Variants in DENND5B observed in about 807,000 individuals in gnomAD.
The protein encoded by DENND5B is DENN domain containing 5B, also known as DENN domain-containing protein 5B.
In DENND5B, 34 loss-of-function variants were observed where a neutral mutation model predicts 140.6. The ratio of observed to expected loss-of-function variants is 0.24; its 90% CI spans 0.18 to 0.32. DENND5B has a LOEUF of 0.32. Among genes scored for constraint, DENND5B ranks in the 10% least tolerant of loss-of-function variants. The pLI is 1.00. For synonymous variants in DENND5B, 551 were observed against 562.1 expected, an observed-to-expected ratio of 0.98 and a Z score of 0.28; for missense variants, 1,142 against 1,560.2, an observed-to-expected ratio of 0.73 and a Z score of 4.52.
chr12:31,448,504 G>A (rs1226154071), intron 5 of DENND5B, among the ~76,000 whole-genome samples: 14 of 152,198 alleles, frequency 9.2e-5, no homozygotes. Flanking sequence ...AAGGTAGTGA[G>A]ATGATTAACT....
intron 17 of DENND5B, among the ~76,000 whole-genome samples, chr12:31,395,296 A>G (rs766062523): frequency 2.0e-5 from 3 of 152,174 alleles, no homozygotes; most frequent in Admixed American, 6.5e-5. Context: ...ATTTGTTGCT[A>G]TAAGTGCTTT....
intron 16 of DENND5B, among the ~76,000 whole-genome samples, chr12:31,399,275 C>CTTT (rs530514939): frequency 1.5e-4 from 9 of 60,424 alleles, no homozygotes; most frequent in Non-Finnish European, 2.1e-4. Flanking sequence ...TCAAACAATT[C>CTTT]TTTTTTTTTT....
intron 3 of DENND5B, among the ~76,000 whole-genome samples, chr12:31,473,382 G>A (rs1291738295): frequency 6.6e-6 from 1 of 152,190 alleles, no homozygotes; most frequent in Non-Finnish European, 1.5e-5. Context: ...TGGATCTTAG[G>A]TTTGACTGTT....
chr12:31,392,134 G>A (rs531656688), intron 19 of DENND5B, 133 bp downstream of exon 19: 132 of 870,736 alleles, frequency 1.5e-4, no homozygotes, highest in African/African-American at 6.6e-4. Flanking sequence ...GTAAGATTCC[G>A]TCTCAAAAAA....
intron 1 of DENND5B, among the ~76,000 whole-genome samples, chr12:31,518,447 T>C (rs1294904475): frequency 1.3e-5 from 2 of 152,160 alleles, no homozygotes; most frequent in Non-Finnish European, 2.9e-5. Context: ...CTCTATTAAA[T>C]GTCCACCTCT....
At chr12:31,476,712 T>G (rs1945829567) in intron 3 of DENND5B, among the ~76,000 whole-genome samples, 1 of 152,092 alleles carries the variant, frequency 6.6e-6, no homozygotes, top group African/African-American at 2.4e-5. Context: ...CTGAGGAGTT[T>G]GAGGCTGCAG....
intron 1 of DENND5B, among the ~76,000 whole-genome samples, chr12:31,577,038 G>A (rs763901299): frequency 4.6e-5 from 7 of 152,192 alleles, no homozygotes; most frequent in Non-Finnish European, 1.0e-4. Context: ...GTGGCATCAT[G>A]AGGACCAAGG....
intron 14 of DENND5B, among the ~76,000 whole-genome samples, chr12:31,408,280 C>G (rs996588304): frequency 1.3e-5 from 2 of 150,130 alleles, no homozygotes; most frequent in African/African-American, 4.9e-5. Context: ...GCCTAGGTGA[C>G]AGAGCCAGAC....
chr12:31,452,044 G>A lies in DENND5B; in HGVS notation c.1525C>T (p.Arg509Cys), dbSNP rs183349020. Residue 509 changes from arginine to cysteine, a missense_variant, in exon 5 of 21, where the codon CGT (arginine) becomes TGT (cysteine). Arg to Cys is a radical substitution (Grantham distance 180). Coordinates refer to ENST00000389082, the MANE Select transcript of DENND5B (RefSeq NM_144973.4). ...TAATCTGCAAACATCTGTGTAAAAC[G>A]GTTAGCAAAGACCTCTCGGAGCTGT... Reference protein sequence around the residue: ...NVQLREVFANRFTQMFADYEA... With the variant: ...NVQLREVFANCFTQMFADYEA... The A allele has an allele frequency of 3.4e-4, 553 of 1,613,854 alleles. 1 individual carries two copies. The highest frequency in any genetic ancestry group is 4.3e-4 in the Non-Finnish European group (508 of 1,179,882).
At chr12:31,562,574 A>G (rs1438820073) in intron 1 of DENND5B, among the ~76,000 whole-genome samples, 1 of 152,122 alleles carries the variant, frequency 6.6e-6, no homozygotes, top group Non-Finnish European at 1.5e-5. Context: ...AGATCGCACC[A>G]TTGCGCGCCA....
At chr12:31,418,720 T>C (rs925318785) in intron 11 of DENND5B, among the ~76,000 whole-genome samples, 2 of 151,330 alleles carry the variant, frequency 1.3e-5, no homozygotes, top group African/African-American at 4.9e-5. Context: ...AAAAGGGGAG[T>C]TGAAACCATA....
intron 7 of DENND5B, among the ~76,000 whole-genome samples, chr12:31,434,565 T>A (rs1189887046): frequency 6.6e-6 from 1 of 152,182 alleles, no homozygotes; most frequent in African/African-American, 2.4e-5. Context: ...GTTTCCCTTA[T>A]TCAAAGGTCC....
In DENND5B at chr12:31,390,882, G is replaced by A. The variant is rs566942533; in HGVS notation, c.3467-1384C>T. 7.2e-5 allele frequency among the ~76,000 whole-genome samples: 11 copies of A among 152,054 alleles called. No homozygotes were observed. The South Asian group carries it at 2.3e-3, about 32-fold the overall frequency. On this transcript the variant is annotated intron_variant, in intron 19 of 20. Coordinates refer to ENST00000389082, the MANE Select transcript of DENND5B (RefSeq NM_144973.4). ...TACTAAAAATACAAAAATTAGGGGT[G>A]TGGTGGCAGGTGTAATCCCAGCTAA...
intron 1 of DENND5B, among the ~76,000 whole-genome samples, chr12:31,496,590 A>C (rs1412007510): frequency 6.6e-6 from 1 of 152,192 alleles, no homozygotes; most frequent in Admixed American, 6.5e-5. Flanking sequence ...CAGGCCAGGC[A>C]CAGTAGCTCA....
intron 8 of DENND5B, chr12:31,432,100 G>C (rs1183839830): frequency 1.0e-6 from 1 of 985,028 alleles, no homozygotes; most frequent in Non-Finnish European, 1.2e-6. Flanking sequence ...GTGGACCCTG[G>C]TCCCACTCCC....
At position 31,591,030 on chromosome 12, in the gene DENND5B, CGG is replaced by C; in HGVS notation, c.-200_-199del. On this transcript the variant is annotated 5_prime_UTR_variant, in exon 1 of 21. Transcript: ENST00000389082. Reference sequence around the variant, plus strand: ...GGGGAAGCGGCCGCGGGCTCGCGCGCGGCGGGTCCGGAGCCCGGCCGGGTGGG... The same window carrying C: ...GGGGAAGCGGCCGCGGGCTCGCGCGCCGGGTCCGGAGCCCGGCCGGGTGGG... 1 of 424,940 alleles carries C rather than the reference CGG, an allele frequency of 2.4e-6. No homozygotes were observed. The highest frequency in any genetic ancestry group is 3.1e-6 in the Non-Finnish European group (1 of 317,648). 26.3% of individuals were successfully genotyped at this position (424,940 alleles called of 1,614,324 possible). A position where few individuals can be genotyped will look rare whatever the true frequency, so the allele number is the denominator to read the frequency against.
At chr12:31,478,885 T>C (rs1259215) in intron 3 of DENND5B, among the ~76,000 whole-genome samples, 12,083 of 152,212 alleles carry the variant, frequency 0.079, 1,108 homozygotes, top group African/African-American at 0.22. Context: ...TCTTCACAAA[T>C]GTACTGGTAA....
intron 2 of DENND5B, 54 bp from the exon 3 acceptor site, chr12:31,480,309 C>G: frequency 7.3e-7 from 1 of 1,369,260 alleles, no homozygotes; most frequent in South Asian, 1.7e-5. Context: ...TAACTTCAAG[C>G]CAGAAATAAA....
intron 14 of DENND5B, 132 bp from the exon 15 acceptor site, chr12:31,402,775 G>A (rs1369823211): frequency 7.4e-6 from 8 of 1,078,582 alleles, no homozygotes; most frequent in East Asian, 2.6e-5. Context: ...GTACTTATAC[G>A]AAAAGTTGAG....
Sources: allele counts gnomAD v4.1 joint callset (sites outside exome capture counted in the v4.1 genomes callset), GRCh38; gene constraint gnomAD v4.1.1; transcripts MANE v1.5; gene names NCBI Gene and HGNC (gene_info 2026-07-23, HGNC 2026-07-21).